YTHDC2: variants seen among roughly 807,000 people sequenced by gnomAD.
YTHDC2 encodes the protein 3'-5' RNA helicase YTHDC2.
A neutral mutation model predicts 174.9 loss-of-function variants in YTHDC2; 45 were observed. The ratio of observed to expected loss-of-function variants is 0.26; its 90% CI spans 0.20 to 0.33. The LOEUF is 0.33. Ranked by LOEUF, YTHDC2 falls within the 10% of genes least tolerant of loss-of-function variation. The probability of loss-of-function intolerance (pLI) is 1.00; values close to 1 mark genes in which losing one functional copy is unlikely to be tolerated. For synonymous variants in YTHDC2, 657 were observed against 574.5 expected, an observed-to-expected ratio of 1.14 and a Z score of -2.05; for missense variants, 1,650 against 1,723.7, an observed-to-expected ratio of 0.96 and a Z score of 0.76.
Position 113,534,453 on chromosome 5 carries a change from A to G in YTHDC2, c.945+46A>G, listed in dbSNP as rs1340836321. 9.2e-6 allele frequency: 14 copies of G among 1,524,696 alleles called. No homozygotes were observed. In the East Asian group the frequency reaches 3.0e-4, roughly 32 times the overall value. The allele number at this position is 1,524,696 out of a possible 1,614,324, so 94.4% of individuals were successfully genotyped here. On this transcript the variant is annotated intron_variant, in intron 6 of 29. Coordinates refer to ENST00000161863, the MANE Select transcript of YTHDC2 (RefSeq NM_022828.5). Reference sequence around the variant, plus strand: ...GTCATATGTAACTCAGATTGCTTAAAATTTAAATACATATGCCGTTTCAGG... The same window carrying G: ...GTCATATGTAACTCAGATTGCTTAAGATTTAAATACATATGCCGTTTCAGG...
intron 15 of YTHDC2, 25 bp from the exon 16 acceptor site, chr5:113,553,917 A>T (rs963110742): frequency 6.3e-7 from 1 of 1,582,168 alleles, no homozygotes; most frequent in Non-Finnish European, 8.5e-7. Context: ...TTTTTTATTA[A>T]CTTTAAAGTA....
At chr5:113,547,542 C>A (rs1416026146) in intron 10 of YTHDC2, among the ~76,000 whole-genome samples, 1 of 152,114 alleles carries the variant, frequency 6.6e-6, no homozygotes, top group Non-Finnish European at 1.5e-5. Context: ...AAAAAATGTT[C>A]CACTCTGGTG....
chr5:113,553,763 G>A lies in YTHDC2; in HGVS notation c.1965-4G>A. ...AGTATGTTTTCTCTTTCAATTGTCT[G>A]CAGATACCAAGTCTTTATGCTTCAT... is the stretch of plus-strand genomic sequence containing the variant. On this transcript the variant is annotated splice_region_variant and splice_polypyrimidine_tract_variant and intron_variant, in intron 14 of 29. Transcript: ENST00000161863. 6.2e-7 allele frequency: 1 copy of A among 1,612,156 alleles called. No homozygotes were observed. The highest frequency in any genetic ancestry group is 8.5e-7 in the Non-Finnish European group (1 of 1,179,294).
At chr5:113,584,857 C>T (rs939872546) in intron 26 of YTHDC2, among the ~76,000 whole-genome samples, 24 of 146,814 alleles carry the variant, frequency 1.6e-4, no homozygotes, top group Non-Finnish European at 2.8e-4. Context: ...TCTACTGCAG[C>T]CTTGAACTCC....
At chr5:113,548,370 T>C (rs1454096065) in intron 10 of YTHDC2, among the ~76,000 whole-genome samples, 171 bp from the exon 11 acceptor site, 1 of 152,182 alleles carries the variant, frequency 6.6e-6, no homozygotes, top group Non-Finnish European at 1.5e-5. Context: ...AACAGATTGC[T>C]GTAAGTGATC....
chr5:113,531,993 T>C (rs1445992791), intron 4 of YTHDC2, among the ~76,000 whole-genome samples: 2 of 152,204 alleles, frequency 1.3e-5, no homozygotes, highest in South Asian at 2.1e-4. Context: ...CTACTACATA[T>C]ATCTTTCTAA....
intron 9 of YTHDC2, 129 bp downstream of exon 9, chr5:113,541,245 G>A (rs1775438049): frequency 9.8e-7 from 1 of 1,018,892 alleles, no homozygotes. Flanking sequence ...AGGCTGGAGT[G>A]GAGTGGCGTG....
rs1470205617 is a variant in YTHDC2, at chr5:113,533,033, G to A, written c.830G>A (p.Arg277Gln). ...GGTCAAACAATTGGTTATCAGATCC[G>A]ATTAGAAAGCAGGTAAAAACAGTTC... ...RIGQTIGYQI[R>Q]LESRVSPKTL... The change falls in exon 5 of 30, where the codon CGA (arginine) becomes CAA (glutamine). Residue 277 changes from arginine to glutamine, a missense_variant. Around this residue, in one of 5 missense-constraint regions of YTHDC2, gnomAD observed 5 missense variants for 24.1 expected, o/e 0.21. Transcript: ENST00000161863. 6 of 1,613,930 alleles carry A rather than the reference G, an allele frequency of 3.7e-6. No homozygotes were observed. The highest frequency in any genetic ancestry group is 2.7e-5 in the African/African-American group (2 of 74,914).
intron 23 of YTHDC2, among the ~76,000 whole-genome samples, chr5:113,569,927 G>A (rs930460793): frequency 6.6e-6 from 1 of 152,156 alleles, no homozygotes; most frequent in African/African-American, 2.4e-5. Context: ...TCTCTGGGCA[G>A]TATGGCCATT....
intron 2 of YTHDC2, among the ~76,000 whole-genome samples, chr5:113,520,978 C>A (rs541739248): frequency 6.6e-6 from 1 of 152,260 alleles, no homozygotes; most frequent in South Asian, 2.1e-4. Flanking sequence ...GTGTTTTCAT[C>A]ATTTAGCTCC....
intron 2 of YTHDC2, among the ~76,000 whole-genome samples, chr5:113,520,728 C>G (rs1773807113): frequency 6.6e-6 from 1 of 152,164 alleles, no homozygotes; most frequent in African/African-American, 2.4e-5. Context: ...GGATGTATGA[C>G]AGAGCATGCC....
chr5:113,561,747 G>A (rs1475496456), intron 18 of YTHDC2, among the ~76,000 whole-genome samples: 5 of 152,022 alleles, frequency 3.3e-5, no homozygotes, highest in African/African-American at 1.2e-4. Context: ...GATTACAGGT[G>A]TGAGCCACCG....
chr5:113,542,641 T>C, intron 10 of YTHDC2, 138 bp downstream of exon 10: 1 of 719,394 alleles, frequency 1.4e-6, no homozygotes. Flanking sequence ...TTATTTCAAA[T>C]GTACAAATCA....
In YTHDC2 at chr5:113,524,993, T is replaced by C. The variant is rs748225329; in HGVS notation, c.291T>C (p.Asn97=). 1 of 1,599,952 alleles carries C rather than the reference T, an allele frequency of 6.3e-7. No homozygotes were observed. Among genetic ancestry groups the C allele is most frequent in the Non-Finnish European group, 8.5e-7 (1 of 1,175,242 alleles). The change falls in exon 3 of 30, where the codon AAT becomes AAC. Residue 97 remains asparagine, a synonymous_variant. Coordinates refer to ENST00000161863, the MANE Select transcript of YTHDC2 (RefSeq NM_022828.5). ...TATTAATATTCAGAAAGGGAGCAAA[T>C]AGATACCTAACTGTGAAGAAGAAAG... ...LVSKSKGKGA[N]RYLTVKKKDG...
At chr5:113,519,196 T>C (rs1773693728) in intron 2 of YTHDC2, among the ~76,000 whole-genome samples, 3 of 152,196 alleles carry the variant, frequency 2.0e-5, no homozygotes, top group Non-Finnish European at 4.4e-5. Flanking sequence ...TTTTTTGTAA[T>C]TGCTCATCTT....
intron 18 of YTHDC2, among the ~76,000 whole-genome samples, chr5:113,562,467 A>G (rs189732584): frequency 5.4e-4 from 82 of 151,830 alleles, no homozygotes; most frequent in Non-Finnish European, 8.5e-4. Context: ...CCACTTCCCA[A>G]TGCTTATGTG....
At chr5:113,540,465 G>A (rs908552134) in intron 8 of YTHDC2, among the ~76,000 whole-genome samples, 2 of 152,154 alleles carry the variant, frequency 1.3e-5, no homozygotes, top group Non-Finnish European at 2.9e-5. Context: ...AAGAAAAGAG[G>A]TTTAATTCAC....
At chr5:113,561,957 GGTGTGTGTGTGTGTGT>G (rs70973686) in intron 18 of YTHDC2, among the ~76,000 whole-genome samples, 4,339 of 134,908 alleles carry the variant, frequency 0.032, 94 homozygotes, top group East Asian at 0.097. Context: ...ATTAATTGTG[GGTGTGTGTGTGTGTGT>G]GTGTGTGTGT....
At chr5:113,582,484 T>C (rs1778459391) in intron 25 of YTHDC2, 1 of 152,182 alleles carries the variant, frequency 6.6e-6, no homozygotes, top group African/African-American at 2.4e-5. Flanking sequence ...TTCAGAAGTG[T>C]TTCTGGTTAT....
Sources: gnomAD v4.1 joint callset for allele counts (sites outside exome capture counted in the v4.1 genomes callset) on GRCh38, gnomAD v4.1.1 for gene constraint, gnomAD v4.1.1 regional missense constraint, MANE v1.5 for transcripts, NCBI Gene and HGNC (gene_info 2026-07-23, HGNC 2026-07-21) for gene names.